Variants in KCNQ5 observed in about 807,000 individuals in gnomAD.
KCNQ5 encodes the protein potassium voltage-gated channel subfamily Q member 5, also known as potassium voltage-gated channel subfamily KQT member 5.
In KCNQ5, 30 loss-of-function variants were observed where a neutral mutation model predicts 98.2. The ratio of observed to expected loss-of-function variants is 0.31; its 90% CI spans 0.23 to 0.41. KCNQ5 has a LOEUF of 0.41. KCNQ5 is among the 10% of genes least tolerant of loss of function. The pLI, the probability that KCNQ5 is intolerant of heterozygous loss-of-function variation, is 1.00. For synonymous variants in KCNQ5, 458 were observed against 449.4 expected (o/e 1.02, Z -0.24); for missense variants, 835 against 1,182.5 (o/e 0.71, Z 4.31).
At chr6:73,193,554 A>T (rs1765678687) in intron 13 of KCNQ5, among the ~76,000 whole-genome samples, 1 of 150,964 alleles carries the variant, frequency 6.6e-6, no homozygotes, top group South Asian at 2.1e-4. Flanking sequence ...CTGATGACAC[A>T]TTGAATGTTT....
At chr6:72,816,835 T>C (rs903862402) in intron 1 of KCNQ5, among the ~76,000 whole-genome samples, 5 of 152,192 alleles carry the variant, frequency 3.3e-5, no homozygotes, top group South Asian at 2.1e-4. Context: ...AGAAGTAGAC[T>C]GAGTAATCTT....
chr6:72,795,347 T>C (rs1249890298), intron 1 of KCNQ5, among the ~76,000 whole-genome samples: 1 of 152,142 alleles, frequency 6.6e-6, no homozygotes, highest in African/African-American at 2.4e-5. Context: ...GGAGATGAGA[T>C]TCTATACCCT....
chr6:72,982,339 T>C (rs1454795725), intron 1 of KCNQ5, among the ~76,000 whole-genome samples: 2 of 152,230 alleles, frequency 1.3e-5, no homozygotes, highest in Non-Finnish European at 2.9e-5. Context: ...TGGGTGCTCC[T>C]GTATTGGGTA....
intron 1 of KCNQ5, among the ~76,000 whole-genome samples, chr6:72,738,128 C>T (rs778912011): frequency 6.6e-6 from 1 of 151,500 alleles, no homozygotes; most frequent in Admixed American, 6.6e-5. Flanking sequence ...GCACTCCAGC[C>T]TGGGCGACAA....
intron 5 of KCNQ5, among the ~76,000 whole-genome samples, chr6:73,093,897 T>C (rs1429823076): frequency 6.6e-6 from 1 of 152,170 alleles, no homozygotes; most frequent in Non-Finnish European, 1.5e-5. Context: ...GGATGGAATG[T>C]TCTGTATATA....
intron 1 of KCNQ5, among the ~76,000 whole-genome samples, chr6:72,981,106 G>T (rs534557918): frequency 3.3e-5 from 5 of 152,080 alleles, no homozygotes; most frequent in Non-Finnish European, 7.4e-5. Context: ...TCGGGATATT[G>T]GTCTAAAATT....
intron 10 of KCNQ5, among the ~76,000 whole-genome samples, chr6:73,145,212 G>C (rs1776875113): frequency 1.3e-5 from 2 of 152,174 alleles, no homozygotes; most frequent in South Asian, 2.1e-4. Flanking sequence ...GCATTGGCTA[G>C]ACATTTTCTA....
At chr6:72,777,686 C>G (rs1582270222) in intron 1 of KCNQ5, among the ~76,000 whole-genome samples, 1 of 152,204 alleles carries the variant, frequency 6.6e-6, no homozygotes, top group Non-Finnish European at 1.5e-5. Flanking sequence ...CACATATAAT[C>G]AAGAGGAACC....
chr6:73,085,572 G>T (rs541242853), intron 5 of KCNQ5, among the ~76,000 whole-genome samples: 1 of 152,314 alleles, frequency 6.6e-6, no homozygotes, highest in African/African-American at 2.4e-5. Context: ...CATCCCGGAA[G>T]CCTGAACCGG....
At chr6:72,880,451 C>A (rs1386052206) in intron 1 of KCNQ5, among the ~76,000 whole-genome samples, 1 of 152,160 alleles carries the variant, frequency 6.6e-6, no homozygotes, top group African/African-American at 2.4e-5. Context: ...CCTAAAGGCC[C>A]AACCTCCAAA....
At chr6:72,721,294 T>A (rs571195202) in intron 1 of KCNQ5, among the ~76,000 whole-genome samples, 5 of 152,222 alleles carry the variant, frequency 3.3e-5, no homozygotes, top group Non-Finnish European at 7.3e-5. Flanking sequence ...ACTTTTTTTT[T>A]CCTTTATGCT....
At chr6:72,754,125 C>A (rs1771834144) in intron 1 of KCNQ5, among the ~76,000 whole-genome samples, 1 of 152,056 alleles carries the variant, frequency 6.6e-6, no homozygotes, top group South Asian at 2.1e-4. Context: ...AACACTCATT[C>A]TTTCACCATT....
At chr6:72,674,243 C>T (rs1767290354) in intron 1 of KCNQ5, among the ~76,000 whole-genome samples, 1 of 151,734 alleles carries the variant, frequency 6.6e-6, no homozygotes, top group Non-Finnish European at 1.5e-5. Context: ...AATTATTTCC[C>T]ATTTTTCCAA....
At chr6:72,966,406 A>C (rs1239606711) in intron 1 of KCNQ5, among the ~76,000 whole-genome samples, 1 of 114,952 alleles carries the variant, frequency 8.7e-6, no homozygotes, top group Non-Finnish European at 1.7e-5. Context: ...TAAAAATAAC[A>C]AAAAAAAAAA....
intron 3 of KCNQ5, among the ~76,000 whole-genome samples, chr6:73,060,252 A>G (rs1772721231): frequency 6.6e-6 from 1 of 152,126 alleles, no homozygotes; most frequent in Non-Finnish European, 1.5e-5. Context: ...ACCAACAAAA[A>G]CATTATTTTC....
chr6:72,674,007 G>T, intron 1 of KCNQ5, among the ~76,000 whole-genome samples: 1 of 152,190 alleles, frequency 6.6e-6, no homozygotes. Flanking sequence ...AGTATAATAC[G>T]TTACTCTAAA....
At chr6:73,000,872 C>T (rs1414367106) in intron 1 of KCNQ5, among the ~76,000 whole-genome samples, 1 of 152,188 alleles carries the variant, frequency 6.6e-6, no homozygotes, top group African/African-American at 2.4e-5. Context: ...TCAATGGCTC[C>T]CCATTTTCTA....
chr6:72,747,017 G>T (rs1235553966), intron 1 of KCNQ5, among the ~76,000 whole-genome samples: 3 of 152,006 alleles, frequency 2.0e-5, no homozygotes, highest in Non-Finnish European at 4.4e-5. Flanking sequence ...TTATTTTAAG[G>T]ATTATAATCC....
At chr6:73,037,997 C>T (rs1771516316) in intron 2 of KCNQ5, among the ~76,000 whole-genome samples, 1 of 152,006 alleles carries the variant, frequency 6.6e-6, no homozygotes, top group South Asian at 2.1e-4. Flanking sequence ...ATCAGTCTTC[C>T]AATTCATAAA....
Sources: allele counts gnomAD v4.1 joint callset (sites outside exome capture counted in the v4.1 genomes callset), GRCh38; gene constraint gnomAD v4.1.1; transcripts MANE v1.5; gene names NCBI Gene and HGNC (gene_info 2026-07-23, HGNC 2026-07-21).